PHTF2: variants seen among roughly 807,000 people sequenced by gnomAD.
PHTF2 encodes the protein protein PHTF2.
Under a neutral mutation model 101.2 loss-of-function variants are expected in PHTF2, and 60 were observed. That is an observed-to-expected ratio of 0.59 (90% CI 0.48 to 0.73). The LOEUF (loss-of-function observed/expected upper bound fraction) is 0.73. PHTF2 is among the 30% of genes least tolerant of loss of function. The pLI is 0.00. For missense variants in PHTF2, 747 were observed against 908.7 expected (o/e 0.82, Z 2.29); for synonymous variants, 311 against 307.3 (o/e 1.01, Z -0.13).
intron 12 of PHTF2, among the ~76,000 whole-genome samples, chr7:77,936,649 G>C (rs1209509806): frequency 6.6e-6 from 1 of 150,958 alleles, no homozygotes; most frequent in East Asian, 1.9e-4. Context: ...ACTCCAGCCT[G>C]AGTAACAGAG....
At chr7:77,927,985 G>A (rs918849857) in intron 11 of PHTF2, among the ~76,000 whole-genome samples, 16 of 152,126 alleles carry the variant, frequency 1.1e-4, no homozygotes, top group African/African-American at 3.9e-4. Context: ...TTTGACTAGA[G>A]GAGTCAAAGA....
chr7:77,954,971 G>T, exon 20 of PHTF2: 3 of 635,132 alleles, frequency 4.7e-6, no homozygotes, highest in Non-Finnish European at 8.3e-6. Flanking sequence ...TGCTTCAGGA[G>T]TCTCAGCTAG....
chr7:77,890,403 A>C (rs2150786143), intron 3 of PHTF2, among the ~76,000 whole-genome samples: 1 of 152,314 alleles, frequency 6.6e-6, no homozygotes, highest in South Asian at 2.1e-4. Context: ...TTAGGATTAT[A>C]GGACATGTAT....
At chr7:77,870,247 GT>G (rs35903374) in intron 3 of PHTF2, among the ~76,000 whole-genome samples, 30,712 of 132,252 alleles carry the variant, frequency 0.23, 3,763 homozygotes, top group African/African-American at 0.38. Flanking sequence ...AATCCATTTT[GT>G]TTTTTTTTTT....
chr7:77,876,621 G>T (rs1798962661), intron 3 of PHTF2, among the ~76,000 whole-genome samples: 1 of 152,134 alleles, frequency 6.6e-6, no homozygotes, highest in African/African-American at 2.4e-5. Context: ...AGCTGGGCTT[G>T]GTGGCTTACA....
At chr7:77,808,545 T>C (rs1793167220) in intron 1 of PHTF2, among the ~76,000 whole-genome samples, 1 of 152,258 alleles carries the variant, frequency 6.6e-6, no homozygotes, top group African/African-American at 2.4e-5. Flanking sequence ...CCTGCTCCTT[T>C]TGGTGATTCT....
intron 9 of PHTF2, among the ~76,000 whole-genome samples, chr7:77,917,226 T>C (rs1803010980): frequency 6.6e-6 from 1 of 152,216 alleles, no homozygotes; most frequent in African/African-American, 2.4e-5. Context: ...ATCCGACATA[T>C]CTGTATCAGT....
At chr7:77,811,856 G>A (rs974309894) in intron 1 of PHTF2, among the ~76,000 whole-genome samples, 3 of 152,086 alleles carry the variant, frequency 2.0e-5, no homozygotes, top group Admixed American at 1.3e-4. Flanking sequence ...CTCAGTGGAC[G>A]TAAAGTATAT....
chr7:77,843,145 C>T lies in PHTF2; in HGVS notation c.45+2845C>T, dbSNP rs1796016255. 2.0e-5 allele frequency among the ~76,000 whole-genome samples: 3 copies of T among 152,140 alleles called. No homozygotes were observed. The East Asian group carries it at 5.8e-4, about 29-fold the overall frequency. ...GATTAGGATTTAGCTTTTTTATAAG[C>T]TTCCCCTAAGTTTCCCCCCTCTATC... On this transcript the variant is annotated intron_variant, in intron 2 of 19. Coordinates refer to ENST00000416283, the Ensembl canonical transcript of PHTF2.
At chr7:77,866,224 A>C (rs1247459487) in intron 3 of PHTF2, among the ~76,000 whole-genome samples, 1 of 151,436 alleles carries the variant, frequency 6.6e-6, no homozygotes, top group Admixed American at 6.6e-5. Flanking sequence ...GTAATAGTTT[A>C]TTCTGTAGTA....
intron 7 of PHTF2, among the ~76,000 whole-genome samples, chr7:77,905,073 T>A (rs1476937798): frequency 2.6e-5 from 4 of 152,188 alleles, no homozygotes; most frequent in African/African-American, 9.7e-5. Context: ...CTTCTTGCAG[T>A]GAGGCCCAGG....
chr7:77,848,332 A>G (rs1248789331), intron 2 of PHTF2, among the ~76,000 whole-genome samples: 4 of 152,194 alleles, frequency 2.6e-5, no homozygotes, highest in African/African-American at 9.7e-5. Flanking sequence ...TCAACGATGT[A>G]CAGGGATTCC....
intron 11 of PHTF2, chr7:77,923,402 C>T: frequency 1.0e-6 from 1 of 981,334 alleles, no homozygotes; most frequent in Non-Finnish European, 1.2e-6. Context: ...ACCTTCTACT[C>T]TTTTTGAGCT....
At position 77,855,923 on chromosome 7, in the gene PHTF2, A is replaced by C. The variant is rs564742058; in HGVS notation, c.147+1089A>C. Among the ~76,000 whole-genome samples the C allele has an allele frequency of 4.6e-5, 7 of 152,280 alleles. No homozygotes were observed. The East Asian group carries it at 1.4e-3, about 29-fold the overall frequency. The stretch of plus-strand genomic sequence containing the variant: ...ACCCTTTTCAGTGTGTCTTTCCTTG[A>C]TAAGGGTTAAAACAAAGTACTTTGT... On this transcript the variant is annotated intron_variant, in intron 3 of 19. Transcript: ENST00000416283.
At chr7:77,835,070 C>T (rs1031971365) in intron 1 of PHTF2, among the ~76,000 whole-genome samples, 1 of 151,744 alleles carries the variant, frequency 6.6e-6, no homozygotes, top group Admixed American at 6.6e-5. Context: ...GTCAGGAGTT[C>T]GAGACCAGCC....
Position 77,838,446 on chromosome 7 carries a change from G to A in PHTF2, c.-35-1775G>A, listed in dbSNP as rs1423241201. Among the ~76,000 whole-genome samples, 3 of 152,264 alleles carry A rather than the reference G, an allele frequency of 2.0e-5. No individual in the cohort carries two copies. The East Asian group carries it at 5.8e-4, about 29-fold the overall frequency. On this transcript the variant is annotated intron_variant, in intron 1 of 19. Coordinates refer to ENST00000416283, the Ensembl canonical transcript of PHTF2. Reference sequence around the variant, plus strand: ...TTTTCAATGTGAACAAAAACTGATTGCATGTATTTCTCCTTAAACTGCTAT... The same window carrying A: ...TTTTCAATGTGAACAAAAACTGATTACATGTATTTCTCCTTAAACTGCTAT...
At chr7:77,942,237 C>T (rs1805692465) in intron 15 of PHTF2, among the ~76,000 whole-genome samples, 1 of 152,142 alleles carries the variant, frequency 6.6e-6, no homozygotes, top group African/African-American at 2.4e-5. Context: ...CTCAAAGCAT[C>T]CTATGTCTTT....
intron 1 of PHTF2, among the ~76,000 whole-genome samples, chr7:77,838,304 T>C (rs1002617073): frequency 2.0e-5 from 3 of 152,164 alleles, no homozygotes; most frequent in Non-Finnish European, 1.5e-5. Flanking sequence ...GAAATGAAGA[T>C]AGCCACACCT....
chr7:77,854,727 A>G (rs1198058986), intron 2 of PHTF2: 6 of 709,212 alleles, frequency 8.5e-6, no homozygotes, highest in South Asian at 5.9e-5. Context: ...TCCTTTGCTC[A>G]TGTAGGAGTT....
Sources: allele counts gnomAD v4.1 joint callset (sites outside exome capture counted in the v4.1 genomes callset), GRCh38; gene constraint gnomAD v4.1.1; transcripts MANE v1.5; gene names NCBI Gene and HGNC (gene_info 2026-07-23, HGNC 2026-07-21).